PTPRD: variants seen among roughly 807,000 people sequenced by gnomAD.
The protein encoded by PTPRD is receptor-type tyrosine-protein phosphatase delta.
In PTPRD, 34 loss-of-function variants were observed where a neutral mutation model predicts 214.5. That is an observed-to-expected ratio of 0.16 (90% CI 0.12 to 0.21). PTPRD has a LOEUF of 0.21. Among genes scored for constraint, PTPRD ranks in the 10% least tolerant of loss-of-function variants. The pLI is 1.00. For missense variants in PTPRD, 2,545 were observed against 2,398.7 expected (o/e 1.06, Z -1.27); for synonymous variants, 1,128 against 845.7 (o/e 1.33, Z -5.79).
intron 11 of PTPRD, among the ~76,000 whole-genome samples, chr9:8,848,596 T>C (rs948739227): frequency 6.6e-6 from 1 of 151,510 alleles, no homozygotes; most frequent in South Asian, 2.1e-4. Flanking sequence ...CCTCCTGTCT[T>C]GGCCTCCAAC....
intron 11 of PTPRD, among the ~76,000 whole-genome samples, chr9:8,759,124 G>A (rs1048997330): frequency 6.6e-6 from 1 of 151,938 alleles, no homozygotes; most frequent in African/African-American, 2.4e-5. Flanking sequence ...TCAATCTCCT[G>A]AGGTCAAGCG....
At chr9:9,181,194 A>C (rs2099927998) in intron 10 of PTPRD, among the ~76,000 whole-genome samples, 1 of 151,982 alleles carries the variant, frequency 6.6e-6, no homozygotes, top group South Asian at 2.1e-4. Context: ...CTAAGGGCTC[A>C]ACAAATGATT....
At chr9:8,857,666 GCCAC>G in intron 11 of PTPRD, 1 of 158,684 alleles carries the variant, frequency 6.3e-6, no homozygotes, top group Non-Finnish European at 1.4e-5. Flanking sequence ...GGCAGCCGCC[GCCAC>G]CGCCTCCCGC....
At chr9:9,533,316 G>C (rs955612051) in intron 8 of PTPRD, among the ~76,000 whole-genome samples, 6 of 152,154 alleles carry the variant, frequency 3.9e-5, no homozygotes, top group Middle Eastern at 6.8e-3. Context: ...TAGGTCTCTA[G>C]CTGAATTTTT....
intron 9 of PTPRD, among the ~76,000 whole-genome samples, chr9:9,290,522 T>C (rs1950822110): frequency 1.3e-5 from 2 of 151,594 alleles, no homozygotes; most frequent in African/African-American, 2.4e-5. Flanking sequence ...TATTTTCTTC[T>C]AGGAGTTTTA....
intron 29 of PTPRD, among the ~76,000 whole-genome samples, chr9:8,484,791 T>C (rs1565187824): frequency 6.6e-6 from 1 of 152,190 alleles, no homozygotes; most frequent in Non-Finnish European, 1.5e-5. Flanking sequence ...TGTTTCTCTA[T>C]TTCTTATTTC....
In PTPRD at chr9:10,280,445, A is replaced by G. The variant is rs1312574114; in HGVS notation, c.-545+60518T>C. On this transcript the variant is annotated intron_variant, in intron 3 of 45. Coordinates refer to ENST00000381196, the MANE Select transcript of PTPRD (RefSeq NM_002839.4). Reference sequence around the variant, plus strand: ...AGCATAGACCATCTCCACCAAATTCAGAATGATTAGAGTAATAAAGATGAG... The same window carrying G: ...AGCATAGACCATCTCCACCAAATTCGGAATGATTAGAGTAATAAAGATGAG... Among the ~76,000 whole-genome samples the G allele has an allele frequency of 4.6e-5, 7 of 152,236 alleles. No homozygotes were observed. The East Asian group carries it at 1.2e-3, about 25-fold the overall frequency.
intron 9 of PTPRD, among the ~76,000 whole-genome samples, chr9:9,271,416 C>T (rs1449995004): frequency 1.3e-5 from 2 of 151,214 alleles, no homozygotes; most frequent in Non-Finnish European, 3.0e-5. Context: ...AACCAAAAAT[C>T]CCCCATTTCA....
At chr9:10,591,603 A>C (rs544407437) in intron 2 of PTPRD, among the ~76,000 whole-genome samples, 5 of 152,176 alleles carry the variant, frequency 3.3e-5, no homozygotes, top group South Asian at 2.1e-4. Flanking sequence ...ACAGAAAACG[A>C]GGTCACACCT....
In PTPRD at chr9:9,410,672, C is replaced by T. The variant is rs79824894; in HGVS notation, c.-236-13190G>A. Among the ~76,000 whole-genome samples, 1,137 of 152,232 alleles carry T rather than the reference C, an allele frequency of 7.5e-3. 23 individuals are homozygous for T. Among genetic ancestry groups the T allele is most frequent in the East Asian group, 0.06 (309 of 5,176 alleles). Reference sequence around the variant, plus strand: ...TTTAGGGATTAGAATTAGAAAAAGACACCATAAAGCAACCATGATGCTGGT... The same window carrying T: ...TTTAGGGATTAGAATTAGAAAAAGATACCATAAAGCAACCATGATGCTGGT... On this transcript the variant is annotated intron_variant, in intron 8 of 45. Transcript: ENST00000381196.
At chr9:10,611,368 T>C (rs1190030364) in intron 2 of PTPRD, among the ~76,000 whole-genome samples, 1 of 152,124 alleles carries the variant, frequency 6.6e-6, no homozygotes, top group African/African-American at 2.4e-5. Flanking sequence ...AAGAAAAAAA[T>C]GCTGAAATGT....
intron 5 of PTPRD, among the ~76,000 whole-genome samples, chr9:9,861,930 T>A (rs1325189832): frequency 6.6e-6 from 1 of 152,206 alleles, no homozygotes; most frequent in South Asian, 2.1e-4. Context: ...GTTAAAGAAT[T>A]TGCCATGTGA....
chr9:10,539,626 C>T (rs1484139723), intron 2 of PTPRD, among the ~76,000 whole-genome samples: 1 of 152,146 alleles, frequency 6.6e-6, no homozygotes, highest in Non-Finnish European at 1.5e-5. Context: ...TTTTTTGGTG[C>T]CAACTTGAAG....
intron 14 of PTPRD, among the ~76,000 whole-genome samples, chr9:8,627,332 C>G (rs943869638): frequency 6.6e-6 from 1 of 151,744 alleles, no homozygotes; most frequent in African/African-American, 2.4e-5. Flanking sequence ...AAAATCTTAG[C>G]TGTACGACCA....
At chr9:9,032,033 A>G (rs1195559859) in intron 10 of PTPRD, among the ~76,000 whole-genome samples, 1 of 151,916 alleles carries the variant, frequency 6.6e-6, no homozygotes, top group Non-Finnish European at 1.5e-5. Context: ...TTTTCATTAT[A>G]AAAAGCTTTT....
chr9:8,656,255 A>G (rs2096907296), intron 12 of PTPRD, among the ~76,000 whole-genome samples: 1 of 152,172 alleles, frequency 6.6e-6, no homozygotes, highest in African/African-American at 2.4e-5. Flanking sequence ...ATCTTTTAGC[A>G]TACTAAAATT....
intron 19 of PTPRD, among the ~76,000 whole-genome samples, chr9:8,522,953 C>T (rs1379446750): frequency 1.3e-5 from 2 of 152,130 alleles, no homozygotes; most frequent in South Asian, 2.1e-4. Context: ...TAAACCTCCG[C>T]TTATTTGAGA....
rs1480431600 is a variant in PTPRD, at chr9:10,462,746, A to G, written c.-599-121729T>C. Among the ~76,000 whole-genome samples, 8 of 151,202 alleles carry G rather than the reference A, an allele frequency of 5.3e-5. No individual in the cohort carries two copies. In the South Asian group the frequency reaches 1.7e-3, roughly 31 times the overall value. ...AGAAGGATATAAGTAAAAAAAAAAA[A>G]TACTGCATTTCACAAACTTTGTTGA... On this transcript the variant is annotated intron_variant, in intron 2 of 45. Coordinates refer to ENST00000381196, the MANE Select transcript of PTPRD (RefSeq NM_002839.4).
intron 5 of PTPRD, among the ~76,000 whole-genome samples, chr9:9,910,386 A>G (rs2078851077): frequency 6.6e-6 from 1 of 151,990 alleles, no homozygotes; most frequent in African/African-American, 2.4e-5. Flanking sequence ...TTCAGTCAAC[A>G]TCTGTATACG....
Sources: gnomAD v4.1 joint callset for allele counts (sites outside exome capture counted in the v4.1 genomes callset) on GRCh38, gnomAD v4.1.1 for gene constraint, MANE v1.5 for transcripts, NCBI Gene and HGNC (gene_info 2026-07-23, HGNC 2026-07-21) for gene names.